The following WDR4 variants were observed in gnomAD, a reference collection of about 807,000 sequenced individuals.
WDR4 encodes the protein WDR4 tRNA N7-guanosine methyltransferase non-catalytic subunit, also known as tRNA (guanine-N(7)-)-methyltransferase non-catalytic subunit WDR4.
In WDR4, 47 loss-of-function variants were observed where a neutral mutation model predicts 48.6. The observed-to-expected ratio is 0.97, with a 90% CI of 0.77 to 1.23. The LOEUF (loss-of-function observed/expected upper bound fraction) is 1.23, where lower values mean the gene tolerates loss of function less well. Ranked by LOEUF, WDR4 falls within the 50% of genes most tolerant of loss-of-function variation. The pLI is 0.00. For missense variants in WDR4, 606 were observed against 551.6 expected (o/e 1.10, Z -0.99); for synonymous variants, 268 against 230.0 (o/e 1.17, Z -1.49).
At position 42,879,397 on chromosome 21, in the gene WDR4, G is replaced by T. The variant is rs779342342; in HGVS notation, c.89+10C>A. Reference sequence around the variant, plus strand: ...CTGGTCTCCCTGTTCCAAGACCAAGGCCCCCTCACCTGCTTGCTATGGAGG... The same window carrying T: ...CTGGTCTCCCTGTTCCAAGACCAAGTCCCCCTCACCTGCTTGCTATGGAGG... On this transcript the variant is annotated intron_variant, in intron 1 of 10. Transcript: ENST00000398208. 5 of 1,612,902 alleles carry T rather than the reference G, an allele frequency of 3.1e-6. No homozygotes were observed. In the African/African-American group the frequency reaches 5.3e-5, roughly 17 times the overall value.
At chr21:42,872,237 C>T (rs2058385866) in intron 3 of WDR4, among the ~76,000 whole-genome samples, 1 of 152,114 alleles carries the variant, frequency 6.6e-6, no homozygotes, top group African/African-American at 2.4e-5. Flanking sequence ...GATCCGCCTG[C>T]CTCGGCCTCC....
rs146863277 is a variant in WDR4 at position 42,853,581 on chromosome 21, G to T, written c.963C>A (p.Gly321=). The T allele has an allele frequency of 1.9e-6, 3 of 1,608,334 alleles. No individual in the cohort carries two copies. In the African/African-American group the frequency reaches 4.0e-5, roughly 21 times the overall value. The part of the protein sequence containing the change: ...EAPLVLYRPV[G]DQWQSVPEST... ...TGCCGAGTCTCACCTGCCACTGGTC[G>T]CCCACAGGCCTGTAGAGCACCAGGG... Residue 321 remains glycine (G), a synonymous_variant, in exon 9 of 11, where the codon GGC becomes GGA. Transcript: ENST00000398208.
Position 42,856,754 on chromosome 21 carries a change from GATGT to G in WDR4, c.628-978_628-975del, listed in dbSNP as rs201676630. Among the ~76,000 whole-genome samples the G allele has an allele frequency of 4.3e-3, 657 of 152,108 alleles. 14 individuals carry two copies. Among genetic ancestry groups the G allele is most frequent in the Admixed American group, 0.041 (631 of 15,276 alleles). On this transcript the variant is annotated intron_variant, in intron 6 of 10. Transcript: ENST00000398208. ...TCCTCTGGGTGCCGAGGTAAGAGTG[GATGT>G]ATGAATGCACACACACACGCATGCA...
chr21:42,877,265 T>G (rs1167906699), intron 1 of WDR4, among the ~76,000 whole-genome samples: 1 of 150,706 alleles, frequency 6.6e-6, no homozygotes, highest in African/African-American at 2.5e-5. Context: ...CGCCTCAGCC[T>G]TCCCGGTAGC....
At chr21:42,848,067 A>G (rs530682919), downstream of WDR4, among the ~76,000 whole-genome samples, 4 of 152,342 alleles carry the variant, frequency 2.6e-5, no homozygotes, top group Admixed American at 1.3e-4. Flanking sequence ...TTTCCAGATC[A>G]ATGTTAAAAG....
Position 42,862,402 on chromosome 21 carries a change from A to T in WDR4, c.454-8T>A, listed in dbSNP as rs2058140104. 6.3e-7 allele frequency: 1 copy of T among 1,592,792 alleles called. No individual in the cohort carries two copies. The highest frequency in any genetic ancestry group is 1.3e-5 in the African/African-American group (1 of 74,514). On this transcript the variant is annotated splice_polypyrimidine_tract_variant and splice_region_variant and intron_variant, in intron 4 of 10. Transcript: ENST00000398208. This position sits in a 1 kb window ranked among gnomAD's most constrained non-coding sequence, Gnocchi z 4.3. Reference sequence around the variant, plus strand: ...GTCATCAGGACTCACAGCCTGCATCACCAGGGGCCAGAAAAGAAAAAGCCG... The same window carrying T: ...GTCATCAGGACTCACAGCCTGCATCTCCAGGGGCCAGAAAAGAAAAAGCCG...
intron 6 of WDR4, 24 bp downstream of exon 6, chr21:42,859,638 A>G (rs780859281): frequency 9.1e-5 from 76 of 839,542 alleles, no homozygotes; most frequent in Admixed American, 1.7e-4. Flanking sequence ...TCCAGAGGTG[A>G]GTGACGCTGG....
downstream of WDR4, among the ~76,000 whole-genome samples, chr21:42,846,839 T>C (rs2057714939): frequency 6.6e-6 from 1 of 152,238 alleles, no homozygotes; most frequent in East Asian, 1.9e-4. Context: ...CTGGCAAACA[T>C]GGCAAAACCC....
chr21:42,876,891 T>G, intron 1 of WDR4, 124 bp from the exon 2 acceptor site: 1 of 783,236 alleles, frequency 1.3e-6, no homozygotes, highest in South Asian at 2.0e-5. Flanking sequence ...CGATCTTGGC[T>G]CACCGCAACC....
At chr21:42,848,221 T>G (rs2057727760), downstream of WDR4, among the ~76,000 whole-genome samples, 1 of 152,196 alleles carries the variant, frequency 6.6e-6, no homozygotes, top group Admixed American at 6.5e-5. Context: ...GGACAGCAGG[T>G]AGGAGCCGGC....
At chr21:42,858,951 C>T (rs562375384) in intron 6 of WDR4, among the ~76,000 whole-genome samples, 1 of 152,230 alleles carries the variant, frequency 6.6e-6, no homozygotes, top group East Asian at 1.9e-4. Flanking sequence ...AACAATTCCG[C>T]AAGAGGACAG....
chr21:42,863,550 C>T lies in WDR4; in HGVS notation c.343G>A (p.Glu115Lys). The change falls in exon 4 of 11, where the codon GAG becomes AAG. Residue 115 changes from glutamate (E) to lysine (K), a missense_variant. Physicochemically the swap from Glu to Lys is moderately conservative, Grantham distance 56 (BLOSUM62 1). Transcript: ENST00000398208. ...GACTTGTCGGCCACCAAGACCTTCT[C>T]CTCCGAGGCTATGAAAGTCAGGGCT... Reference protein sequence around the residue: ...CTALTFIASEEKVLVADKSGD... With the variant: ...CTALTFIASEKKVLVADKSGD... The T allele has an allele frequency of 6.2e-7, 1 of 1,614,044 alleles. No individual in the cohort carries two copies. The highest frequency in any genetic ancestry group is 8.5e-7 in the Non-Finnish European group (1 of 1,179,994).
At chr21:42,867,208 T>C (rs919123342) in intron 3 of WDR4, among the ~76,000 whole-genome samples, 2 of 152,070 alleles carry the variant, frequency 1.3e-5, no homozygotes, top group African/African-American at 4.8e-5. Context: ...CTGGCCAACA[T>C]GGCAAAACCC....
chr21:42,874,459 A>C (rs1160945306), intron 2 of WDR4, among the ~76,000 whole-genome samples: 1 of 152,240 alleles, frequency 6.6e-6, no homozygotes, highest in Non-Finnish European at 1.5e-5. Context: ...TTCAGGGAAC[A>C]AGAGAGATAA....
At chr21:42,867,525 C>G (rs2058276112) in intron 3 of WDR4, among the ~76,000 whole-genome samples, 1 of 152,102 alleles carries the variant, frequency 6.6e-6, no homozygotes, top group African/African-American at 2.4e-5. Flanking sequence ...GTGCTTTGCA[C>G]TTCAGATTTG....
At chr21:42,890,081 GA>G in the WDR4 span, among the ~76,000 whole-genome samples, 1 of 151,454 alleles carries the variant, frequency 6.6e-6, no homozygotes, top group African/African-American at 2.4e-5. Context: ...GAACCTAAAA[GA>G]AAAAAATATA....
At chr21:42,864,408 T>A (rs1055786983) in intron 3 of WDR4, among the ~76,000 whole-genome samples, 1 of 152,120 alleles carries the variant, frequency 6.6e-6, no homozygotes, top group African/African-American at 2.4e-5. Context: ...TGCTGCTCGT[T>A]CTGCTGCGTC....
chr21:42,858,091 C>CA (rs1367305048), intron 6 of WDR4, among the ~76,000 whole-genome samples: 13 of 151,260 alleles, frequency 8.6e-5, no homozygotes, highest in East Asian at 3.9e-4. Flanking sequence ...GACTCTGTCT[C>CA]AAAAAAAATA....
chr21:42,852,146 C>T (rs1569313067), intron 10 of WDR4, 109 bp downstream of exon 10: 2 of 1,182,528 alleles, frequency 1.7e-6, no homozygotes, highest in African/African-American at 3.0e-5. Flanking sequence ...TACTCTCCCT[C>T]TTTATCTGCA....
Sources: gnomAD v4.1 joint callset for allele counts (sites outside exome capture counted in the v4.1 genomes callset) on GRCh38, gnomAD v4.1.1 for gene constraint, Gnocchi (gnomAD v3.1) non-coding constraint, MANE v1.5 for transcripts, NCBI Gene and HGNC (gene_info 2026-07-23, HGNC 2026-07-21) for gene names.